The following AHCTF1 variants were observed in gnomAD, a reference collection of about 807,000 sequenced individuals.
The protein encoded by AHCTF1 is AT-hook containing transcription factor 1.
A neutral mutation model predicts 248.4 loss-of-function variants in AHCTF1; 24 were observed. That is an observed-to-expected ratio of 0.10 (90% CI 0.07 to 0.14). The LOEUF is 0.14. Ranked by LOEUF, AHCTF1 falls within the 10% of genes least tolerant of loss-of-function variation. The pLI, the probability that AHCTF1 is intolerant of heterozygous loss-of-function variation, is 1.00. For synonymous variants in AHCTF1, 786 were observed against 929.8 expected (o/e 0.85, Z 2.81); for missense variants, 2,206 against 2,636.2 (o/e 0.84, Z 3.57).
At chr1:246,886,460 T>C (rs2103127707) in intron 20 of AHCTF1, among the ~76,000 whole-genome samples, 1 of 152,322 alleles carries the variant, frequency 6.6e-6, no homozygotes, top group Middle Eastern at 3.4e-3. Context: ...TACAGATGAT[T>C]TAAAGATCAA....
At chr1:246,847,423 A>G (rs1228645742) in intron 33 of AHCTF1, among the ~76,000 whole-genome samples, 1 of 152,250 alleles carries the variant, frequency 6.6e-6, no homozygotes, top group Non-Finnish European at 1.5e-5. Context: ...GGAACGATAT[A>G]CAGGAAAACG....
intron 29 of AHCTF1, among the ~76,000 whole-genome samples, chr1:246,859,949 C>T (rs1014706310): frequency 1.3e-5 from 2 of 152,052 alleles, no homozygotes; most frequent in Non-Finnish European, 2.9e-5. Context: ...AAACTTAAAA[C>T]TGGTGGATAA....
intron 21 of AHCTF1, among the ~76,000 whole-genome samples, chr1:246,879,889 T>C (rs1663266363): frequency 6.6e-6 from 1 of 151,924 alleles, no homozygotes; most frequent in South Asian, 2.1e-4. Flanking sequence ...GCCATCCAAA[T>C]AATGAACTAC....
At chr1:246,892,253 T>C (rs1267547712) in intron 14 of AHCTF1, among the ~76,000 whole-genome samples, 1 of 151,292 alleles carries the variant, frequency 6.6e-6, no homozygotes, top group Non-Finnish European at 1.5e-5. Flanking sequence ...AGAAAACAAC[T>C]GTCTTCATTC....
chr1:246,850,699 C>A lies in AHCTF1; in HGVS notation c.5307G>T (p.Gly1769=). 6.2e-7 allele frequency: 1 copy of A among 1,613,968 alleles called. No individual in the cohort carries two copies. The highest frequency in any genetic ancestry group is 8.5e-7 in the Non-Finnish European group (1 of 1,179,874). The change falls in exon 33 of 36, where the codon GGG becomes GGT. Residue 1769 remains glycine (G), a synonymous_variant. Transcript: ENST00000648844. ...SADVATPKMP[G]QSVRKKTRKA... ...TCCTAGTTTTCTTCCTGACTGACTG[C>A]CCTGGCATCTTAGGAGTAGCAACAT...
rs1159196830 is a variant in AHCTF1 at position 246,860,778 on chromosome 1, TTAAC to T, written c.4132+117_4132+120del. On this transcript the variant is annotated intron_variant, in intron 29 of 35. Coordinates refer to ENST00000648844, the MANE Select transcript of AHCTF1 (RefSeq NM_001323342.2). Reference sequence around the variant, plus strand: ...GCCTCAGCCTCCCAAAGTGCTGAGATTAACTAGCATGAGCCACAGTACCTGGCTA... The same window carrying T: ...GCCTCAGCCTCCCAAAGTGCTGAGATTAGCATGAGCCACAGTACCTGGCTA... The T allele has an allele frequency of 3.7e-6, 5 of 1,337,158 alleles. No individual in the cohort carries two copies. The African/African-American group carries it at 7.4e-5, about 20-fold the overall frequency. 82.8% of individuals were successfully genotyped at this position (1,337,158 alleles called of 1,614,324 possible). A position where few individuals can be genotyped will look rare whatever the true frequency, so the allele number is the denominator to read the frequency against.
At chr1:246,915,771 G>A (rs1018035098) in intron 3 of AHCTF1, among the ~76,000 whole-genome samples, 2 of 152,050 alleles carry the variant, frequency 1.3e-5, no homozygotes, top group Non-Finnish European at 2.9e-5. Flanking sequence ...TTTAAAAATT[G>A]AATAGTAATG....
chr1:246,925,788 C>G (rs1318841255), intron 1 of AHCTF1, among the ~76,000 whole-genome samples: 1 of 152,046 alleles, frequency 6.6e-6, no homozygotes, highest in East Asian at 1.9e-4. Context: ...CACATGAGAT[C>G]TGGCTGTTTA....
intron 25 of AHCTF1, 84 bp from the exon 26 acceptor site, chr1:246,867,435 A>G: frequency 2.9e-6 from 3 of 1,051,250 alleles, no homozygotes; most frequent in Admixed American, 5.7e-5. Context: ...GAGGGTTTTC[A>G]TTCGTTTTAC....
chr1:246,871,808 A>G (rs1482378130), intron 24 of AHCTF1, among the ~76,000 whole-genome samples: 1 of 152,202 alleles, frequency 6.6e-6, no homozygotes, highest in Non-Finnish European at 1.5e-5. Flanking sequence ...CTAAAAGGGT[A>G]GCAGTGGCCT....
At chr1:246,860,195 G>C (rs1268664684) in intron 29 of AHCTF1, among the ~76,000 whole-genome samples, 1 of 150,768 alleles carries the variant, frequency 6.6e-6, no homozygotes, top group East Asian at 1.9e-4. Context: ...GGTTGGGGGG[G>C]GGGCGGAGGT....
At chr1:246,853,623 C>G (rs1660882221) in intron 31 of AHCTF1, among the ~76,000 whole-genome samples, 1 of 151,006 alleles carries the variant, frequency 6.6e-6, no homozygotes, top group South Asian at 2.1e-4. Context: ...ACCAGACAAC[C>G]AGCTATCCTT....
intron 1 of AHCTF1, among the ~76,000 whole-genome samples, chr1:246,929,428 T>TA (rs1002790501): frequency 5.7e-4 from 87 of 151,554 alleles, no homozygotes; most frequent in Non-Finnish European, 4.3e-4. Context: ...AAAATAAAAA[T>TA]AAAAATACAG....
At chr1:246,931,259 C>T (rs1332568724) in intron 1 of AHCTF1, 2 of 1,549,138 alleles carry the variant, frequency 1.3e-6, no homozygotes. Flanking sequence ...GGGTCGCGGC[C>T]CCGGCCGTCC....
chr1:246,879,839 C>CA (rs34479116), intron 21 of AHCTF1, among the ~76,000 whole-genome samples: 35,514 of 148,376 alleles, frequency 0.24, 4,282 homozygotes, highest in East Asian at 0.31. Flanking sequence ...CCAACCCCGC[C>CA]AAAAAAAAAG....
chr1:246,888,473 G>A lies in AHCTF1; in HGVS notation c.2189C>T (p.Ser730Phe). The A allele has an allele frequency of 6.2e-7, 1 of 1,613,694 alleles. No homozygotes were observed. Among genetic ancestry groups the A allele is most frequent in the Admixed American group, 1.7e-5 (1 of 59,998 alleles). ...PDCLMIDGLV[S>F]QLGERIEKLW... ...CTTCTCAATTCGCTCTCCTAACTGA[G>A]AAACCAGTCCATCAATCATCAAGCA... The change falls in exon 18 of 36, where the codon TCT (serine) becomes TTT (phenylalanine). Residue 730 changes from serine (S) to phenylalanine (F), a missense_variant. Physicochemically the swap from Ser to Phe is radical, Grantham distance 155 (BLOSUM62 -2). Coordinates refer to ENST00000648844, the MANE Select transcript of AHCTF1 (RefSeq NM_001323342.2).
Position 246,850,580 on chromosome 1 carries a change from G to C in AHCTF1, c.5426C>G (p.Pro1809Arg). 1 of 1,612,506 alleles carries C rather than the reference G, an allele frequency of 6.2e-7. No individual in the cohort carries two copies. Among genetic ancestry groups the C allele is most frequent in the African/African-American group, 1.3e-5 (1 of 74,780 alleles). The change falls in exon 33 of 36, where the codon CCT (proline) becomes CGT (arginine). Residue 1809 changes from proline to arginine, a missense_variant. By Grantham distance (103) the Pro-to-Arg change is moderately radical. Around this residue, in one of 6 missense-constraint regions of AHCTF1, gnomAD observed 955 missense variants for 1,055.6 expected, o/e 0.90. Transcript: ENST00000648844. ...NQQIPQNSVT[P>R]RRGRRKKEVN... ...TTCTTTCTTTCTCCTTCCTCTCCTA[G>C]GCGTAACAGAATTTTGAGGTATTTG...
chr1:246,899,099 A>G (rs1317126047), intron 11 of AHCTF1, among the ~76,000 whole-genome samples: 3 of 152,334 alleles, frequency 2.0e-5, no homozygotes, highest in Admixed American at 6.5e-5. Context: ...CAAAAAGAGA[A>G]AAGTATTTTT....
At chr1:246,903,837 CAAAAA>C (rs34620854) in intron 7 of AHCTF1, 107 bp downstream of exon 7, 434 of 623,692 alleles carry the variant, frequency 7.0e-4, no homozygotes, top group South Asian at 1.1e-3. Context: ...GACTCTGTCT[CAAAAA>C]AAAAAAAAAA....
Sources: gnomAD v4.1 joint callset for allele counts (sites outside exome capture counted in the v4.1 genomes callset) on GRCh38, gnomAD v4.1.1 for gene constraint, gnomAD v4.1.1 regional missense constraint, MANE v1.5 for transcripts, NCBI Gene and HGNC (gene_info 2026-07-23, HGNC 2026-07-21) for gene names.